FOLH1: variants seen among roughly 807,000 people sequenced by gnomAD.
FOLH1 encodes the protein glutamate carboxypeptidase 2.
A neutral mutation model predicts 93.9 loss-of-function variants in FOLH1; 54 were observed. The observed-to-expected ratio is 0.57, with a 90% CI of 0.46 to 0.72. The LOEUF (loss-of-function observed/expected upper bound fraction) is 0.72. FOLH1 is among the 30% of genes least tolerant of loss of function. The pLI is 0.00. For synonymous variants in FOLH1, 249 were observed against 303.6 expected, an observed-to-expected ratio of 0.82 and a Z score of 1.87; for missense variants, 571 against 892.5, an observed-to-expected ratio of 0.64 and a Z score of 4.59.
chr11:49,146,416 T>C lies in FOLH1; in HGVS notation c.*340A>G, dbSNP rs1296889001. Reference sequence around the variant, plus strand: ...TTCCCCAGTGTGCTCTCTGACATACTGATGTTTTCTTCTGTGTGAAGTGAC... The same window carrying C: ...TTCCCCAGTGTGCTCTCTGACATACCGATGTTTTCTTCTGTGTGAAGTGAC... On this transcript the variant is annotated 3_prime_UTR_variant, in exon 19 of 19. Coordinates refer to ENST00000256999, the MANE Select transcript of FOLH1 (RefSeq NM_004476.3). Among the ~76,000 whole-genome samples the C allele has an allele frequency of 6.6e-6, 1 of 152,192 alleles. No individual in the cohort carries two copies. The highest frequency in any genetic ancestry group is 1.5e-5 in the Non-Finnish European group (1 of 68,030).
At chr11:49,162,584 C>T (rs1186283883) in intron 13 of FOLH1, among the ~76,000 whole-genome samples, 2 of 152,154 alleles carry the variant, frequency 1.3e-5, no homozygotes, top group East Asian at 1.9e-4. Context: ...ATGAATTCTA[C>T]TTCTGTCATT....
intron 3 of FOLH1, among the ~76,000 whole-genome samples, chr11:49,198,297 CTG>C (rs1862854975): frequency 6.6e-6 from 1 of 151,922 alleles, no homozygotes; most frequent in Non-Finnish European, 1.5e-5. Flanking sequence ...CTGGCTAAAA[CTG>C]TGAAACCCCG....
chr11:49,174,967 T>A lies in FOLH1; in HGVS notation c.1030A>T (p.Met344Leu). 6.2e-7 allele frequency: 1 copy of A among 1,609,500 alleles called. No individual in the cohort carries two copies. Among genetic ancestry groups the A allele is most frequent in the Non-Finnish European group, 8.5e-7 (1 of 1,177,672 alleles). The change falls in exon 9 of 19, where the codon ATG (methionine) becomes TTG (leucine). Residue 344 changes from methionine to leucine, a missense_variant. By Grantham distance (15) the Met-to-Leu change is conservative. This residue lies in a region of FOLH1 where 500 missense variants were observed against 822.9 expected (regional missense o/e 0.61). Coordinates refer to ENST00000256999, the MANE Select transcript of FOLH1 (RefSeq NM_004476.3). The part of the protein sequence containing the change: ...TGNFSTQKVK[M>L]HIHSTNEVTR... Reference sequence around the variant, plus strand: ...ACTTCATTGGTAGAGTGGATGTGCATCTTGACTTTTCTAATGCAAAAATAA... The same window carrying A: ...ACTTCATTGGTAGAGTGGATGTGCAACTTGACTTTTCTAATGCAAAAATAA...
chr11:49,176,081 A>C (rs1859993180), intron 7 of FOLH1, 124 bp from the exon 8 acceptor site: 11 of 844,674 alleles, frequency 1.3e-5, no homozygotes, highest in Non-Finnish European at 1.1e-5. Flanking sequence ...AAGTGCTTTG[A>C]ATATAATACG....
intron 13 of FOLH1, among the ~76,000 whole-genome samples, 163 bp from the exon 14 acceptor site, chr11:49,158,206 G>T (rs1857237179): frequency 6.6e-6 from 1 of 151,902 alleles, no homozygotes; most frequent in Non-Finnish European, 1.5e-5. Flanking sequence ...CTGACAAGTG[G>T]GAAAATACTC....
intron 9 of FOLH1, among the ~76,000 whole-genome samples, chr11:49,174,349 G>A (rs1590553147): frequency 1.3e-5 from 2 of 152,058 alleles, no homozygotes; most frequent in South Asian, 4.1e-4. Flanking sequence ...AAGAAACTGA[G>A]CCTTCATGAA....
intron 13 of FOLH1, among the ~76,000 whole-genome samples, chr11:49,163,864 T>C (rs1015983973): frequency 1.3e-5 from 2 of 152,060 alleles, no homozygotes; most frequent in African/African-American, 2.4e-5. Flanking sequence ...ACCTAAGCGT[T>C]GCAAAGATCC....
chr11:49,201,467 A>G (rs1863248738), intron 2 of FOLH1, among the ~76,000 whole-genome samples: 1 of 151,540 alleles, frequency 6.6e-6, no homozygotes, highest in Non-Finnish European at 1.5e-5. Context: ...AATGAATTAA[A>G]GTAACTCAAT....
At chr11:49,151,684 C>G (rs985177115) in intron 17 of FOLH1, among the ~76,000 whole-genome samples, 1 of 152,124 alleles carries the variant, frequency 6.6e-6, no homozygotes, top group African/African-American at 2.4e-5. Context: ...CTATCACTTA[C>G]AGAAAATAAA....
intron 13 of FOLH1, among the ~76,000 whole-genome samples, chr11:49,163,094 T>C (rs907177261): frequency 6.6e-6 from 1 of 152,110 alleles, no homozygotes; most frequent in Non-Finnish European, 1.5e-5. Context: ...TGGCCACGTT[T>C]TTGTAGAGCA....
chr11:49,180,364 T>C (rs1860577193), intron 7 of FOLH1, among the ~76,000 whole-genome samples: 2 of 152,214 alleles, frequency 1.3e-5, no homozygotes, highest in Non-Finnish European at 1.5e-5. Context: ...AATCACACTG[T>C]GTTCAGGGTA....
chr11:49,177,819 C>T (rs1209152481), intron 7 of FOLH1, among the ~76,000 whole-genome samples: 1 of 150,414 alleles, frequency 6.6e-6, no homozygotes, highest in Non-Finnish European at 1.5e-5. Flanking sequence ...AAAAATGAGC[C>T]GGGCATGGTG....
At chr11:49,183,368 A>T (rs1348410756) in intron 6 of FOLH1, 126 bp from the exon 7 acceptor site, 2 of 711,900 alleles carry the variant, frequency 2.8e-6, no homozygotes, top group South Asian at 4.9e-5. Flanking sequence ...CAGATTAACA[A>T]TTCAAATGTT....
At chr11:49,188,914 G>T (rs1194627893) in intron 4 of FOLH1, among the ~76,000 whole-genome samples, 1 of 152,106 alleles carries the variant, frequency 6.6e-6, no homozygotes, top group Non-Finnish European at 1.5e-5. Context: ...AAACTCAATT[G>T]GGTTTACCTT....
chr11:49,175,209 A>G (rs1279055908), intron 8 of FOLH1, among the ~76,000 whole-genome samples: 1 of 152,138 alleles, frequency 6.6e-6, no homozygotes, highest in African/African-American at 2.4e-5. Context: ...TTTAACTAGC[A>G]CCCTCTTCAT....
At chr11:49,204,293 T>C (rs1361273195) in intron 2 of FOLH1, among the ~76,000 whole-genome samples, 1 of 152,216 alleles carries the variant, frequency 6.6e-6, no homozygotes, top group South Asian at 2.1e-4. Context: ...TAAGGCCTTT[T>C]AAAATAAACT....
At chr11:49,190,983 C>A (rs1369583847) in intron 4 of FOLH1, among the ~76,000 whole-genome samples, 1 of 152,048 alleles carries the variant, frequency 6.6e-6, no homozygotes, top group Non-Finnish European at 1.5e-5. Context: ...ATTGAAGAAC[C>A]CTGAAATGTA....
chr11:49,190,309 T>C (rs1254722216), intron 4 of FOLH1, among the ~76,000 whole-genome samples: 1 of 152,224 alleles, frequency 6.6e-6, no homozygotes, highest in Non-Finnish European at 1.5e-5. Context: ...TGAAAACAAG[T>C]GTGACAGATA....
chr11:49,187,415 A>G (rs1466870713), intron 4 of FOLH1, among the ~76,000 whole-genome samples: 1 of 152,104 alleles, frequency 6.6e-6, no homozygotes, highest in Non-Finnish European at 1.5e-5. Flanking sequence ...ATTTTTTATC[A>G]TACCTTTAAG....
Sources: allele counts gnomAD v4.1 joint callset (sites outside exome capture counted in the v4.1 genomes callset), GRCh38; gene constraint gnomAD v4.1.1; regional missense constraint gnomAD v4.1.1; transcripts MANE v1.5; gene names NCBI Gene and HGNC (gene_info 2026-07-23, HGNC 2026-07-21).